Variants in GNS observed in about 807,000 individuals in gnomAD.
GNS encodes the protein N-acetylglucosamine-6-sulfatase.
In GNS, 40 loss-of-function variants were observed where a neutral mutation model predicts 69.7. The observed-to-expected ratio is 0.57, with a 90% confidence interval of 0.45 to 0.75. The LOEUF is 0.75. GNS is among the 30% of genes least tolerant of loss of function. The pLI is 0.00. For missense variants in GNS, 565 were observed against 685.5 expected, an observed-to-expected ratio of 0.82 and a Z score of 1.96; for synonymous variants, 243 against 251.6, an observed-to-expected ratio of 0.97 and a Z score of 0.32.
intron 1 of GNS, among the ~76,000 whole-genome samples, chr12:64,753,264 C>T (rs1307106642): frequency 1.3e-5 from 2 of 152,078 alleles, no homozygotes; most frequent in African/African-American, 4.8e-5. Flanking sequence ...CTGCATAGAC[C>T]CACAAGCACC....
At chr12:64,747,595 C>T in intron 3 of GNS, 117 bp downstream of exon 3, 1 of 703,512 alleles carries the variant, frequency 1.4e-6, no homozygotes, top group South Asian at 1.7e-5. Flanking sequence ...GGCAGATTCA[C>T]AGAAAACAAC....
At chr12:64,745,880 A>C in intron 3 of GNS, 156 bp from the exon 4 acceptor site, 1 of 654,142 alleles carries the variant, frequency 1.5e-6, no homozygotes, top group Non-Finnish European at 2.8e-6. Context: ...AACGCTAATA[A>C]TCCTAGGAAC....
chr12:64,721,010 G>C (rs533454066), intron 12 of GNS, among the ~76,000 whole-genome samples: 2 of 152,340 alleles, frequency 1.3e-5, no homozygotes, highest in Non-Finnish European at 2.9e-5. Context: ...CCATTTCTGA[G>C]AAACACAGAT....
rs761569789 is a variant in GNS at position 64,743,127 on chromosome 12, G to A, written c.792+14C>T. Reference sequence around the variant, plus strand: ...TACTTAGTATGGCTGAATACAAGTGGTGGGGGAAGCTACCGTTCCATGGAT... The same window carrying A: ...TACTTAGTATGGCTGAATACAAGTGATGGGGGAAGCTACCGTTCCATGGAT... On this transcript the variant is annotated intron_variant, in intron 6 of 13. Transcript: ENST00000258145. The A allele has an allele frequency of 6.3e-7, 1 of 1,592,984 alleles. No individual in the cohort carries two copies. Among genetic ancestry groups the A allele is most frequent in the South Asian group, 1.1e-5 (1 of 90,566 alleles).
At chr12:64,743,378 CTGGTG>C in intron 5 of GNS, 70 bp from the exon 6 acceptor site, 1 of 1,119,036 alleles carries the variant, frequency 8.9e-7, no homozygotes, top group Non-Finnish European at 1.4e-6. Flanking sequence ...TAAATGTCTT[CTGGTG>C]AGCAGACAGT....
chr12:64,714,774 T>C lies in GNS; in HGVS notation c.*1967A>G, dbSNP rs1868810394. The C allele has an allele frequency of 6.6e-6, 1 of 152,374 alleles. No homozygotes were observed. The highest frequency in any genetic ancestry group is 2.1e-4 in the South Asian group (1 of 4,836). The allele number at this position is 152,374 out of a possible 1,614,324, so 9.4% of individuals were successfully genotyped here. On this transcript the variant is annotated 3_prime_UTR_variant, in exon 14 of 14. Transcript: ENST00000258145. ...ATTTGGAAATAACTATGGTCAACTT[T>C]CATTAATGTGGAAGTTGACTGATAA... is the stretch of plus-strand genomic sequence containing the variant.
chr12:64,752,468 A>G (rs958354395), intron 2 of GNS, among the ~76,000 whole-genome samples: 1 of 152,216 alleles, frequency 6.6e-6, no homozygotes, highest in Non-Finnish European at 1.5e-5. Context: ...GGTAAGGTTT[A>G]AAATAAAATT....
At position 64,737,004 on chromosome 12, in the gene GNS, C is replaced by A; in HGVS notation, c.1098G>T (p.Lys366Asn). 6.7e-7 allele frequency: 1 copy of A among 1,498,432 alleles called. No individual in the cohort carries two copies. Among genetic ancestry groups the A allele is most frequent in the Non-Finnish European group, 9.3e-7 (1 of 1,074,180 alleles). 92.8% of individuals were successfully genotyped at this position (1,498,432 alleles called of 1,614,324 possible). The change falls in exon 9 of 14, where the codon AAG becomes AAT. Residue 366 changes from lysine (K) to asparagine (N), a missense_variant and splice_region_variant. By Grantham distance (94) the Lys-to-Asn change is moderately conservative. Coordinates refer to ENST00000258145, the MANE Select transcript of GNS (RefSeq NM_002076.4). ...CAGCACCAGCTTGTCAGGCACCTAC[C>A]TTGCTTGTCTGATTTGGTTTGATCC... is the stretch of plus-strand genomic sequence containing the variant. ...GPGIKPNQTS[K>N]MLVANIDLGP...
At chr12:64,758,347 G>A (rs1245719958) in intron 1 of GNS, among the ~76,000 whole-genome samples, 1 of 111,190 alleles carries the variant, frequency 9.0e-6, no homozygotes, top group South Asian at 3.2e-4. Flanking sequence ...TTTTGGAGAC[G>A]GAGTCTCGCT....
intron 13 of GNS, among the ~76,000 whole-genome samples, chr12:64,719,081 G>C (rs1868946197): frequency 6.6e-6 from 1 of 152,066 alleles, no homozygotes; most frequent in Non-Finnish European, 1.5e-5. Flanking sequence ...TTTTTATATT[G>C]TTACCTGGCT....
chr12:64,752,047 TGAA>T (rs1396862356), intron 2 of GNS, among the ~76,000 whole-genome samples: 7 of 151,874 alleles, frequency 4.6e-5, no homozygotes, highest in African/African-American at 1.2e-4. Context: ...ACAACAACTC[TGAA>T]GAAGATTTTG....
At chr12:64,732,970 C>A (rs1869451089) in intron 9 of GNS, among the ~76,000 whole-genome samples, 1 of 151,964 alleles carries the variant, frequency 6.6e-6, no homozygotes, top group African/African-American at 2.4e-5. Flanking sequence ...ATATAAATAT[C>A]CTAATCAAAT....
chr12:64,735,821 G>T (rs2136243956), intron 9 of GNS, among the ~76,000 whole-genome samples: 1 of 152,324 alleles, frequency 6.6e-6, no homozygotes, highest in African/African-American at 2.4e-5. Context: ...GTAGGGAAAA[G>T]TGACTAGCTT....
At chr12:64,735,417 A>T (rs1869531158) in intron 9 of GNS, among the ~76,000 whole-genome samples, 1 of 152,262 alleles carries the variant, frequency 6.6e-6, no homozygotes, top group African/African-American at 2.4e-5. Context: ...ATCAGGTAAT[A>T]AACTTAGAAT....
At chr12:64,721,552 G>C in intron 12 of GNS, 43 bp downstream of exon 12, 1 of 918,354 alleles carries the variant, frequency 1.1e-6, no homozygotes, top group Non-Finnish European at 1.8e-6. Context: ...CAAAGCACCA[G>C]CAAGAAAGGA....
At chr12:64,748,003 C>T (rs1047926640) in intron 2 of GNS, 85 bp from the exon 3 acceptor site, 1 of 786,950 alleles carries the variant, frequency 1.3e-6, no homozygotes, top group African/African-American at 1.7e-5. Context: ...AAGAAAAGCT[C>T]CTTAATACTC....
At chr12:64,723,221 T>A (rs1362020268) in intron 10 of GNS, 108 bp from the exon 11 acceptor site, 1 of 737,930 alleles carries the variant, frequency 1.4e-6, no homozygotes, top group African/African-American at 1.7e-5. Flanking sequence ...AATTGGACTG[T>A]TCATTCAGTA....
intron 2 of GNS, among the ~76,000 whole-genome samples, chr12:64,751,521 G>C (rs1870077245): frequency 6.6e-6 from 1 of 152,148 alleles, no homozygotes; most frequent in African/African-American, 2.4e-5. Flanking sequence ...TTTGAAATAG[G>C]CATCATAGTC....
chr12:64,752,236 C>T (rs955781733), intron 2 of GNS, among the ~76,000 whole-genome samples: 2 of 152,142 alleles, frequency 1.3e-5, no homozygotes, highest in Non-Finnish European at 2.9e-5. Flanking sequence ...TGATAGTAGG[C>T]TACCCTTACA....
Sources: allele counts gnomAD v4.1 joint callset (sites outside exome capture counted in the v4.1 genomes callset), GRCh38; gene constraint gnomAD v4.1.1; transcripts MANE v1.5; gene names NCBI Gene and HGNC (gene_info 2026-07-23, HGNC 2026-07-21).